HTR3B: variants seen among roughly 807,000 people sequenced by gnomAD.
HTR3B encodes the protein 5-hydroxytryptamine receptor 3B.
In HTR3B, 44 loss-of-function variants were observed where a neutral mutation model predicts 42.8. The ratio of observed to expected loss-of-function variants is 1.03; its 90% confidence interval spans 0.81 to 1.32. The LOEUF is 1.32. Ranked by LOEUF, HTR3B falls within the 40% of genes most tolerant of loss-of-function variation. The pLI, the probability that HTR3B is intolerant of heterozygous loss-of-function variation, is 0.00. For synonymous variants in HTR3B, 203 were observed against 209.0 expected (o/e 0.97, Z 0.25); for missense variants, 527 against 536.5 (o/e 0.98, Z 0.17).
At chr11:113,923,704 A>G (rs1210906048) in intron 2 of HTR3B, among the ~76,000 whole-genome samples, 2 of 152,216 alleles carry the variant, frequency 1.3e-5, no homozygotes, top group Non-Finnish European at 2.9e-5. Flanking sequence ...GAAGGTATCT[A>G]AAGAAAAAAA....
intron 2 of HTR3B, among the ~76,000 whole-genome samples, chr11:113,922,172 T>A (rs915326652): frequency 6.6e-6 from 1 of 152,216 alleles, no homozygotes; most frequent in Non-Finnish European, 1.5e-5. Context: ...GTAAGAGCAC[T>A]TCCTTTAAAT....
chr11:113,930,796 T>C (rs149343451), intron 2 of HTR3B, among the ~76,000 whole-genome samples: 134 of 152,118 alleles, frequency 8.8e-4, no homozygotes, highest in African/African-American at 2.8e-3. Flanking sequence ...GCCAGGAGGG[T>C]TTTTTAAATT....
intron 2 of HTR3B, among the ~76,000 whole-genome samples, chr11:113,922,393 C>T (rs556100688): frequency 4.0e-5 from 6 of 151,730 alleles, no homozygotes; most frequent in Non-Finnish European, 7.4e-5. Flanking sequence ...ACCACCATAT[C>T]GGGCTAATTT....
intron 6 of HTR3B, among the ~76,000 whole-genome samples, chr11:113,936,220 G>T (rs967880037): frequency 2.6e-5 from 4 of 152,036 alleles, no homozygotes; most frequent in Non-Finnish European, 5.9e-5. Flanking sequence ...TAAAGAATGA[G>T]GGTAGAAGTG....
At chr11:113,916,088 C>T (rs1241065922) in intron 2 of HTR3B, among the ~76,000 whole-genome samples, 1 of 152,238 alleles carries the variant, frequency 6.6e-6, no homozygotes, top group African/African-American at 2.4e-5. Flanking sequence ...CTACCTGCCT[C>T]GGGCTTCCGA....
chr11:113,932,807 A>T, intron 5 of HTR3B, 129 bp from the exon 6 acceptor site: 3 of 892,026 alleles, frequency 3.4e-6, no homozygotes, highest in Non-Finnish European at 5.2e-6. Flanking sequence ...CCTAATTCAA[A>T]TAAGGCCAAG....
rs1291873241 is a variant in HTR3B at position 113,947,694 on chromosome 11, A to T, written c.*1557A>T. 6.6e-6 allele frequency among the ~76,000 whole-genome samples: 1 copy of T among 152,150 alleles called. No individual in the cohort carries two copies. The highest frequency in any genetic ancestry group is 2.4e-5 in the African/African-American group (1 of 41,436). On this transcript the variant is annotated 3_prime_UTR_variant, in exon 9 of 9. Transcript: ENST00000260191. Reference sequence around the variant, plus strand: ...ATCCTAGTGACCTCTTTTAACCTTAATCACTTTTTTCAAGGCCCTATGTTC... The same window carrying T: ...ATCCTAGTGACCTCTTTTAACCTTATTCACTTTTTTCAAGGCCCTATGTTC...
At position 113,936,686 on chromosome 11, in the gene HTR3B, C is replaced by T. The variant is rs138261125; in HGVS notation, c.696+3593C>T. ...GTCTAGATCCAAGTAACTCTGACTC[C>T]GGTGCTTAAATGGCAGCAACTTTCC... is the stretch of plus-strand genomic sequence containing the variant. On this transcript the variant is annotated intron_variant, in intron 6 of 8. Transcript: ENST00000260191. 7.6e-4 allele frequency among the ~76,000 whole-genome samples: 115 copies of T among 152,234 alleles called. 2 individuals carry two copies. The East Asian group carries it at 0.021, about 27-fold the overall frequency.
At chr11:113,923,404 T>G (rs972362209) in intron 2 of HTR3B, among the ~76,000 whole-genome samples, 2 of 152,234 alleles carry the variant, frequency 1.3e-5, no homozygotes, top group African/African-American at 4.8e-5. Context: ...GAAATCTGAT[T>G]ATAGAGATAA....
chr11:113,900,236 A>G (rs935970836), upstream of HTR3B, among the ~76,000 whole-genome samples: 2 of 152,022 alleles, frequency 1.3e-5, no homozygotes, highest in Admixed American at 1.3e-4. Context: ...CCAGCCTGGA[A>G]AACAGTGCAA....
upstream of HTR3B, among the ~76,000 whole-genome samples, chr11:113,902,372 G>T (rs929725983): frequency 1.3e-5 from 2 of 150,644 alleles, no homozygotes; most frequent in African/African-American, 4.9e-5. Flanking sequence ...TCTCGGCTCA[G>T]TGCAACCTCT....
chr11:113,910,630 G>A (rs145924514), intron 2 of HTR3B, among the ~76,000 whole-genome samples: 1,833 of 151,054 alleles, frequency 0.012, 31 homozygotes, highest in African/African-American at 0.042. Flanking sequence ...TAGTAGAGAC[G>A]GGGTTTCACC....
chr11:113,903,042 A>AT (rs1403992209), upstream of HTR3B, among the ~76,000 whole-genome samples: 2 of 151,964 alleles, frequency 1.3e-5, no homozygotes, highest in Admixed American at 6.6e-5. Flanking sequence ...CTAATCTTTT[A>AT]TTTTTTTGTG....
chr11:113,932,216 C>A, intron 4 of HTR3B, 73 bp from the exon 5 acceptor site: 2 of 1,259,792 alleles, frequency 1.6e-6, no homozygotes, highest in Non-Finnish European at 2.3e-6. Flanking sequence ...TCACTACCAT[C>A]TCCTAATCAG....
upstream of HTR3B, among the ~76,000 whole-genome samples, chr11:113,901,285 G>A (rs1177484588): frequency 2.6e-5 from 4 of 151,964 alleles, no homozygotes; most frequent in African/African-American, 9.7e-5. Context: ...CTACTAAAAA[G>A]AGAAGAAATT....
intron 6 of HTR3B, among the ~76,000 whole-genome samples, chr11:113,935,416 C>T (rs1252178314): frequency 1.3e-5 from 2 of 152,094 alleles, no homozygotes; most frequent in African/African-American, 2.4e-5. Flanking sequence ...TGCCCTGGTC[C>T]TCAGGAGCAG....
rs751637388 is a variant in HTR3B, at chr11:113,945,926, T to A, written c.1115T>A (p.Leu372Gln). 3 of 1,614,160 alleles carry A rather than the reference T, an allele frequency of 1.9e-6. No individual in the cohort carries two copies. The South Asian group carries it at 3.3e-5, about 18-fold the overall frequency. ...VTESSLYGEH[L>Q]AQPGTLKEVW... ...GAGTCCTCGCTGTATGGAGAGCACC[T>A]GGCCCAGCCAGGAACCCTGAAGGAA... Residue 372 changes from leucine to glutamine, a missense_variant, in exon 9 of 9, where the codon CTG becomes CAG. By Grantham distance (113) the Leu-to-Gln change is moderately radical. Transcript: ENST00000260191.
At chr11:113,937,556 C>T (rs920986577) in intron 6 of HTR3B, among the ~76,000 whole-genome samples, 9 of 152,226 alleles carry the variant, frequency 5.9e-5, no homozygotes, top group African/African-American at 1.9e-4. Flanking sequence ...CTATAATCCT[C>T]ACATCCCTAG....
intron 2 of HTR3B, among the ~76,000 whole-genome samples, chr11:113,918,268 C>CGTGTGT (rs60519849): frequency 0.052 from 7,713 of 146,924 alleles, 522 homozygotes; most frequent in East Asian, 0.25. Flanking sequence ...TGTGTGTACT[C>CGTGTGT]GTGTGTGTGT....
Sources: gnomAD v4.1 joint callset for allele counts (sites outside exome capture counted in the v4.1 genomes callset) on GRCh38, gnomAD v4.1.1 for gene constraint, MANE v1.5 for transcripts, NCBI Gene and HGNC (gene_info 2026-07-23, HGNC 2026-07-21) for gene names.